The following TBC1D12 variants were observed in gnomAD, a reference collection of about 807,000 sequenced individuals.
The protein encoded by TBC1D12 is TBC1 domain family member 12, also known as TBC1 domain family, member 12.
In TBC1D12, 56 loss-of-function variants were observed where a neutral mutation model predicts 86.7. That is an observed-to-expected ratio of 0.65 (90% CI 0.52 to 0.81). The LOEUF (loss-of-function observed/expected upper bound fraction) is 0.81, where lower values mean the gene tolerates loss of function less well. TBC1D12 is among the 30% of genes least tolerant of loss of function. The probability of loss-of-function intolerance (pLI) is 0.00; values close to 1 mark genes in which losing one functional copy is unlikely to be tolerated. For missense variants in TBC1D12, 1,023 were observed against 1,038.8 expected (o/e 0.98, Z 0.21); for synonymous variants, 421 against 411.7 (o/e 1.02, Z -0.27).
At chr10:94,511,781 A>G (rs544621246) in intron 9 of TBC1D12, 127 bp downstream of exon 9, 36 of 699,478 alleles carry the variant, frequency 5.1e-5, no homozygotes, top group South Asian at 5.1e-4. Context: ...AGGCTTATCA[A>G]TTTACCCAGT....
intron 3 of TBC1D12, among the ~76,000 whole-genome samples, chr10:94,483,102 C>T (rs533847524): frequency 1.4e-5 from 2 of 145,848 alleles, no homozygotes; most frequent in Admixed American, 1.4e-4. Context: ...TACAGTGGCA[C>T]GATCTTGGCT....
intron 9 of TBC1D12, among the ~76,000 whole-genome samples, chr10:94,517,459 T>C (rs925428492): frequency 2.6e-5 from 4 of 152,196 alleles, no homozygotes; most frequent in African/African-American, 9.6e-5. Context: ...ATTAAAATAC[T>C]GTTACTTTTA....
chr10:94,505,345 G>A (rs1354127368), intron 6 of TBC1D12, among the ~76,000 whole-genome samples: 3 of 152,150 alleles, frequency 2.0e-5, no homozygotes, highest in African/African-American at 7.2e-5. Context: ...TTGGGAGGCC[G>A]AGGCAGGTGG....
intron 2 of TBC1D12, among the ~76,000 whole-genome samples, chr10:94,442,377 G>C (rs775352739): frequency 1.3e-5 from 2 of 152,076 alleles, no homozygotes; most frequent in Non-Finnish European, 2.9e-5. Context: ...CAGATGTTCT[G>C]AATATTGGTA....
intron 4 of TBC1D12, among the ~76,000 whole-genome samples, chr10:94,495,784 T>C (rs553150930): frequency 1.3e-5 from 2 of 152,058 alleles, no homozygotes; most frequent in South Asian, 4.2e-4. Context: ...ATATAGAATA[T>C]GAATACATAA....
chr10:94,477,573 C>T (rs990809065), intron 3 of TBC1D12, among the ~76,000 whole-genome samples: 5 of 152,178 alleles, frequency 3.3e-5, no homozygotes, highest in Non-Finnish European at 7.3e-5. Flanking sequence ...TTCTAGCAGA[C>T]TTGGGCCAGC....
chr10:94,425,437 G>T (rs534183526), intron 1 of TBC1D12, among the ~76,000 whole-genome samples: 18 of 152,198 alleles, frequency 1.2e-4, no homozygotes, highest in Non-Finnish European at 2.2e-4. Context: ...TTCAGTGAGT[G>T]CAGGGCATTG....
intron 2 of TBC1D12, among the ~76,000 whole-genome samples, chr10:94,455,923 A>G (rs1396275596): frequency 1.3e-5 from 2 of 152,152 alleles, no homozygotes; most frequent in Non-Finnish European, 2.9e-5. Flanking sequence ...GCACCTGGAC[A>G]ACAGAGCTTA....
intron 1 of TBC1D12, among the ~76,000 whole-genome samples, chr10:94,412,509 A>T (rs896208273): frequency 6.6e-6 from 1 of 152,252 alleles, no homozygotes; most frequent in Non-Finnish European, 1.5e-5. Context: ...CTAAAAAGCA[A>T]ATCTGAGAAG....
At chr10:94,499,466 C>T (rs1223730384) in intron 5 of TBC1D12, among the ~76,000 whole-genome samples, 1 of 152,172 alleles carries the variant, frequency 6.6e-6, no homozygotes, top group Non-Finnish European at 1.5e-5. Context: ...ACAGGTTCAT[C>T]TGTGTTGTTG....
At chr10:94,518,986 A>T (rs531651387) in intron 9 of TBC1D12, among the ~76,000 whole-genome samples, 72 of 152,296 alleles carry the variant, frequency 4.7e-4, no homozygotes, top group African/African-American at 1.7e-3. Flanking sequence ...GAGGCAGGAG[A>T]ATCACTTTAA....
chr10:94,486,953 T>G (rs2056172241), intron 3 of TBC1D12, among the ~76,000 whole-genome samples: 1 of 152,232 alleles, frequency 6.6e-6, no homozygotes, highest in Non-Finnish European at 1.5e-5. Context: ...TCTCTTTAGC[T>G]CTAATAATAT....
intron 9 of TBC1D12, among the ~76,000 whole-genome samples, chr10:94,518,688 T>C (rs1842065656): frequency 1.3e-5 from 2 of 152,228 alleles, no homozygotes; most frequent in Admixed American, 1.3e-4. Flanking sequence ...CTGAAGAAAT[T>C]ATAGAAATAA....
Position 94,465,517 on chromosome 10 carries a change from G to A in TBC1D12, c.1096-9151G>A, listed in dbSNP as rs183027309. 3.4e-3 allele frequency among the ~76,000 whole-genome samples: 513 copies of A among 152,012 alleles called. 4 individuals are homozygous for A. The highest frequency in any genetic ancestry group is 0.012 in the African/African-American group (499 of 41,448). On this transcript the variant is annotated intron_variant, in intron 2 of 12. Coordinates refer to ENST00000225235, the MANE Select transcript of TBC1D12 (RefSeq NM_015188.2). The stretch of plus-strand genomic sequence containing the variant: ...AAAAATTAGCTGAGCATGGTGGCAC[G>A]TGCCTGTAGTCTCAGCTACTCGGGA...
rs1842520900 is a variant in TBC1D12, at chr10:94,535,179, G to A, written c.*2083G>A. 1 of 152,128 alleles carries A rather than the reference G, an allele frequency of 6.6e-6. No homozygotes were observed. Among genetic ancestry groups the A allele is most frequent in the Non-Finnish European group, 1.5e-5 (1 of 68,018 alleles). The allele number at this position is 152,128 out of a possible 1,614,324, so 9.4% of individuals were successfully genotyped here. A position where few individuals can be genotyped will look rare whatever the true frequency, so the allele number is the denominator to read the frequency against. ...GAACTGCTACTAGAGACATACATGA[G>A]GCAGCGAACACATCTTTAGGTGGGG... On this transcript the variant is annotated 3_prime_UTR_variant, in exon 13 of 13. Coordinates refer to ENST00000225235, the MANE Select transcript of TBC1D12 (RefSeq NM_015188.2).
chr10:94,465,773 C>CATACATACATAT (rs1491329016), intron 2 of TBC1D12, among the ~76,000 whole-genome samples: 11 of 146,652 alleles, frequency 7.5e-5, no homozygotes, highest in East Asian at 6.2e-4. Flanking sequence ...CATACGTATA[C>CATACATACATAT]GCATACATAC....
intron 12 of TBC1D12, among the ~76,000 whole-genome samples, chr10:94,531,678 T>TG (rs1304154048): frequency 2.7e-5 from 4 of 146,444 alleles, no homozygotes; most frequent in African/African-American, 7.5e-5. Context: ...TTTTATTTTA[T>TG]TTTATTTTAT....
intron 1 of TBC1D12, among the ~76,000 whole-genome samples, chr10:94,436,792 AT>A (rs956291530): frequency 6.6e-6 from 1 of 151,482 alleles, no homozygotes; most frequent in African/African-American, 2.4e-5. Context: ...AAAGAAAAAA[AT>A]CTTTTTTTTT....
At chr10:94,422,379 A>G (rs1178854955) in intron 1 of TBC1D12, among the ~76,000 whole-genome samples, 2 of 150,998 alleles carry the variant, frequency 1.3e-5, no homozygotes, top group African/African-American at 4.9e-5. Context: ...TAGTAGAGAC[A>G]GGGTTTCACC....
Sources: allele counts gnomAD v4.1 joint callset (sites outside exome capture counted in the v4.1 genomes callset), GRCh38; gene constraint gnomAD v4.1.1; transcripts MANE v1.5; gene names NCBI Gene and HGNC (gene_info 2026-07-23, HGNC 2026-07-21).